Variants in STX6 observed in about 807,000 individuals in gnomAD.
STX6 encodes the protein syntaxin-6.
In STX6, 23 loss-of-function variants were observed where a neutral mutation model predicts 38.0. The observed-to-expected ratio is 0.60, with a 90% CI of 0.43 to 0.86. The LOEUF (loss-of-function observed/expected upper bound fraction) is 0.86, where lower values mean the gene tolerates loss of function less well. Ranked by LOEUF, STX6 falls within the 40% of genes least tolerant of loss-of-function variation. The probability of loss-of-function intolerance (pLI) is 0.00; values close to 1 mark genes in which losing one functional copy is unlikely to be tolerated. For synonymous variants in STX6, 123 were observed against 107.5 expected (o/e 1.14, Z -0.89); for missense variants, 274 against 312.9 (o/e 0.88, Z 0.94).
At chr1:181,009,470 C>CAAAAAAAAAA (rs34469966) in intron 1 of STX6, among the ~76,000 whole-genome samples, 1 of 105,434 alleles carries the variant, frequency 9.5e-6, no homozygotes. Flanking sequence ...CTGTTGTTTC[C>CAAAAAAAAAA]AAAAAAAAAA....
At chr1:181,020,330 CTT>C (rs1027994493) in intron 1 of STX6, among the ~76,000 whole-genome samples, 1 of 152,094 alleles carries the variant, frequency 6.6e-6, no homozygotes, top group Non-Finnish European at 1.5e-5. Flanking sequence ...ATTTAGAAGA[CTT>C]AGTACAAAAG....
chr1:180,977,389 G>A (rs1382769013), intron 7 of STX6, among the ~76,000 whole-genome samples: 1 of 152,230 alleles, frequency 6.6e-6, no homozygotes, highest in Non-Finnish European at 1.5e-5. Context: ...GAGCCCTGCT[G>A]CAGCTCACAA....
At position 180,986,609 on chromosome 1, in the gene STX6, T is replaced by A. The variant is rs953153301; in HGVS notation, c.596+1630A>T. On this transcript the variant is annotated intron_variant, in intron 6 of 7. Transcript: ENST00000258301. ...CCCAGGTTGGAGTACAGTGGTGCCATCATAGCTCACTGCAGCCTCAAACAC... is the reference window on the plus strand; with the variant it reads ...CCCAGGTTGGAGTACAGTGGTGCCAACATAGCTCACTGCAGCCTCAAACAC... 1.6e-4 allele frequency among the ~76,000 whole-genome samples: 25 copies of A among 152,170 alleles called. 1 individual carries two copies. Among genetic ancestry groups the A allele is most frequent in the African/African-American group, 5.1e-4 (21 of 41,430 alleles).
At chr1:180,979,128 G>C (rs1655334723) in intron 7 of STX6, among the ~76,000 whole-genome samples, 1 of 152,040 alleles carries the variant, frequency 6.6e-6, no homozygotes, top group South Asian at 2.1e-4. Flanking sequence ...AAAAAATAGA[G>C]ATCAAAAAGA....
At chr1:181,005,253 C>T in intron 2 of STX6, 41 bp downstream of exon 2, 1 of 1,567,640 alleles carries the variant, frequency 6.4e-7, no homozygotes, top group South Asian at 1.2e-5. Flanking sequence ...GTCCATTTGT[C>T]TATTTATCCC....
chr1:180,972,906 A>G lies in STX6; in HGVS notation c.*3664T>C, dbSNP rs910410873. 3.5e-6 allele frequency: 1 copy of G among 282,836 alleles called. No individual in the cohort carries two copies. Among genetic ancestry groups the G allele is most frequent in the Admixed American group, 4.8e-5 (1 of 20,818 alleles). 17.5% of individuals were successfully genotyped at this position (282,836 alleles called of 1,614,324 possible). On this transcript the variant is annotated 3_prime_UTR_variant, in exon 8 of 8. Transcript: ENST00000258301. ...AAAAAAAAGGAGAGAAAGAAAAGAAAGACCACCCCCTATTAGAAGCAAAGG... is the reference window on the plus strand; with the variant it reads ...AAAAAAAAGGAGAGAAAGAAAAGAAGGACCACCCCCTATTAGAAGCAAAGG...
chr1:180,985,344 C>G (rs557409424), intron 6 of STX6, among the ~76,000 whole-genome samples: 1 of 152,336 alleles, frequency 6.6e-6, no homozygotes, highest in South Asian at 2.1e-4. Flanking sequence ...GGGACTGTTT[C>G]CTCACCTGTA....
intron 1 of STX6, among the ~76,000 whole-genome samples, chr1:181,012,456 C>A (rs1656428666): frequency 6.6e-6 from 1 of 152,134 alleles, no homozygotes; most frequent in Non-Finnish European, 1.5e-5. Flanking sequence ...CCATCAAAAT[C>A]ATGGAACCTG....
rs748929068 is a variant in STX6 at position 180,973,944 on chromosome 1, G to A, written c.*2626C>T. On this transcript the variant is annotated 3_prime_UTR_variant, in exon 8 of 8. Transcript: ENST00000258301. ...GGTACTAGGTACAGAAGGCTAAAGG[G>A]GTAGGAAAGCCCCAAATACTATAAA... 5 of 152,172 alleles carry A rather than the reference G, an allele frequency of 3.3e-5. No homozygotes were observed. The highest frequency in any genetic ancestry group is 6.5e-5 in the Admixed American group (1 of 15,280). The allele number at this position is 152,172 out of a possible 1,614,324, so 9.4% of individuals were successfully genotyped here.
chr1:180,972,877 A>C lies in STX6; in HGVS notation c.*3693T>G. 1 of 193,204 alleles carries C rather than the reference A, an allele frequency of 5.2e-6. No individual in the cohort carries two copies. Among genetic ancestry groups the C allele is most frequent in the Non-Finnish European group, 1.1e-5 (1 of 92,992 alleles). The allele number at this position is 193,204 out of a possible 1,614,324, so 12.0% of individuals were successfully genotyped here. ...CTGGTTTGGTTTTATTTTTTAATCA[A>C]AAAAAAAAAAAGGAGAGAAAGAAAA... On this transcript the variant is annotated 3_prime_UTR_variant, in exon 8 of 8. Coordinates refer to ENST00000258301, the MANE Select transcript of STX6 (RefSeq NM_005819.6).
At chr1:180,979,505 T>A (rs375953030) in intron 7 of STX6, among the ~76,000 whole-genome samples, 222 of 152,220 alleles carry the variant, frequency 1.5e-3, no homozygotes, top group African/African-American at 5.2e-3. Context: ...AAAAATGAAG[T>A]TGGAGGCAGA....
At chr1:180,997,106 T>C (rs868590982) in intron 3 of STX6, among the ~76,000 whole-genome samples, 1 of 152,246 alleles carries the variant, frequency 6.6e-6, no homozygotes, top group African/African-American at 2.4e-5. Flanking sequence ...GTTATGCTTT[T>C]TAATAGCTGC....
intron 6 of STX6, among the ~76,000 whole-genome samples, chr1:180,986,764 G>C (rs1220398317): frequency 1.3e-5 from 2 of 152,136 alleles, no homozygotes; most frequent in Non-Finnish European, 2.9e-5. Flanking sequence ...GTGAGCTGTG[G>C]AGAGGGAGTG....
intron 3 of STX6, among the ~76,000 whole-genome samples, chr1:180,994,656 T>C (rs879853471): frequency 3.3e-5 from 5 of 152,146 alleles, no homozygotes; most frequent in Non-Finnish European, 7.4e-5. Flanking sequence ...AGATAGGTGG[T>C]TACCTGAGGC....
chr1:181,019,717 A>G (rs553031646), intron 1 of STX6, among the ~76,000 whole-genome samples: 1 of 152,354 alleles, frequency 6.6e-6, no homozygotes, highest in South Asian at 2.1e-4. Context: ...ACTCTAGAAA[A>G]GCTTACACTG....
At chr1:180,991,709 C>G (rs1289992349) in intron 4 of STX6, among the ~76,000 whole-genome samples, 3 of 152,074 alleles carry the variant, frequency 2.0e-5, no homozygotes, top group African/African-American at 4.8e-5. Flanking sequence ...TGTGTGGGTG[C>G]CAGAGCAGGG....
chr1:181,000,699 T>C (rs1259065819), intron 3 of STX6, among the ~76,000 whole-genome samples: 2 of 152,180 alleles, frequency 1.3e-5, no homozygotes, highest in Non-Finnish European at 2.9e-5. Context: ...CTTCTTTCCA[T>C]TATACCAATG....
chr1:181,002,683 G>T lies in STX6; in HGVS notation c.223C>A (p.Pro75Thr), dbSNP rs1328518984. 5 of 1,613,192 alleles carry T rather than the reference G, an allele frequency of 3.1e-6. No homozygotes were observed. Among genetic ancestry groups the T allele is most frequent in the South Asian group, 1.1e-5 (1 of 91,018 alleles). Reference protein sequence around the residue: ...DETISIVEANPRKFNLDATEL... With the variant: ...DETISIVEANTRKFNLDATEL... ...GTTGCATCAAGGTTAAATTTTCTAG[G>T]ATTTGCTTCAACTATGCGTAGGTCA... The change falls in exon 3 of 8, where the codon CCT (proline) becomes ACT (threonine). Residue 75 changes from proline (P) to threonine (T), a missense_variant. Pro to Thr is a conservative substitution (Grantham distance 38). Transcript: ENST00000258301.
At chr1:181,007,872 T>A (rs1412140437) in intron 1 of STX6, among the ~76,000 whole-genome samples, 3 of 152,216 alleles carry the variant, frequency 2.0e-5, no homozygotes, top group African/African-American at 7.2e-5. Flanking sequence ...TTTTAAAAAT[T>A]CTAAAACAAA....
Sources: gnomAD v4.1 joint callset for allele counts (sites outside exome capture counted in the v4.1 genomes callset) on GRCh38, gnomAD v4.1.1 for gene constraint, MANE v1.5 for transcripts, NCBI Gene and HGNC (gene_info 2026-07-23, HGNC 2026-07-21) for gene names.